Variants in CEP128 observed in about 807,000 individuals in gnomAD.
CEP128 encodes the protein centrosomal protein 128.
In CEP128, 132 loss-of-function variants were observed where a neutral mutation model predicts 156.7. The ratio of observed to expected loss-of-function variants is 0.84; its 90% CI spans 0.73 to 0.97. CEP128 has a LOEUF of 0.97. Ranked by LOEUF, CEP128 falls within the 50% of genes least tolerant of loss-of-function variation. The pLI is 0.00. For synonymous variants in CEP128, 469 were observed against 448.9 expected (o/e 1.04, Z -0.57); for missense variants, 1,252 against 1,281.9 (o/e 0.98, Z 0.36).
At chr14:80,527,154 C>T (rs1466782769) in intron 22 of CEP128, 172 bp from the exon 23 acceptor site, 3 of 557,584 alleles carry the variant, frequency 5.4e-6, no homozygotes, top group East Asian at 6.3e-5. Flanking sequence ...GAAGGCTACA[C>T]ACAGTGGCTC....
chr14:80,491,124 A>G (rs61979253), intron 6 of CEP128, among the ~76,000 whole-genome samples: 76,189 of 152,140 alleles, frequency 0.5, 20,115 homozygotes, highest in East Asian at 0.69. Flanking sequence ...AATCTAATCC[A>G]TGAGTTTACA....
At chr14:80,762,373 T>G (rs1900016122) in intron 16 of CEP128, among the ~76,000 whole-genome samples, 1 of 152,150 alleles carries the variant, frequency 6.6e-6, no homozygotes, top group Non-Finnish European at 1.5e-5. Flanking sequence ...ACCAAATCCA[T>G]GATGGCTAGC....
At chr14:80,588,757 A>C (rs552519326) in intron 19 of CEP128, among the ~76,000 whole-genome samples, 228 of 152,164 alleles carry the variant, frequency 1.5e-3, no homozygotes, top group Non-Finnish European at 2.1e-3. Context: ...TTAAAAACTT[A>C]ATGTTAAGAT....
intron 4 of CEP128, among the ~76,000 whole-genome samples, chr14:80,909,476 A>C (rs748806861): frequency 1.3e-4 from 20 of 152,084 alleles, no homozygotes; most frequent in Non-Finnish European, 2.4e-4. Context: ...GAACAAGAGA[A>C]GTGAAACACT....
At chr14:80,883,058 G>C (rs1254063450) in intron 8 of CEP128, among the ~76,000 whole-genome samples, 1 of 152,104 alleles carries the variant, frequency 6.6e-6, no homozygotes, top group Admixed American at 6.5e-5. Flanking sequence ...TAATTGGATT[G>C]TTTGTAACAC....
chr14:80,688,240 C>A (rs1182865664), intron 19 of CEP128, among the ~76,000 whole-genome samples: 1 of 151,916 alleles, frequency 6.6e-6, no homozygotes, highest in East Asian at 1.9e-4. Context: ...AAAATGTTCC[C>A]AGATGATAGT....
chr14:80,528,932 G>A (rs1455806895), intron 22 of CEP128, among the ~76,000 whole-genome samples: 1 of 152,098 alleles, frequency 6.6e-6, no homozygotes, highest in Non-Finnish European at 1.5e-5. Context: ...TTCATTTAAG[G>A]CTATATCTAG....
At chr14:80,502,899 T>G (rs974922299) in intron 24 of CEP128, among the ~76,000 whole-genome samples, 5 of 152,138 alleles carry the variant, frequency 3.3e-5, no homozygotes, top group Non-Finnish European at 7.4e-5. Flanking sequence ...AATCCTAATG[T>G]TTCTCACTGC....
chr14:80,825,763 C>T (rs562152954), intron 13 of CEP128, among the ~76,000 whole-genome samples: 1 of 152,074 alleles, frequency 6.6e-6, no homozygotes, highest in Non-Finnish European at 1.5e-5. Context: ...GAGAATTAAA[C>T]CAAGTCTTCT....
At chr14:80,780,406 T>C (rs1040161804) in intron 15 of CEP128, among the ~76,000 whole-genome samples, 1 of 152,052 alleles carries the variant, frequency 6.6e-6, no homozygotes, top group African/African-American at 2.4e-5. Context: ...TCCTTAAGGG[T>C]AAATTGTTTG....
At chr14:80,884,769 C>G (rs1888717165) in intron 8 of CEP128, among the ~76,000 whole-genome samples, 1 of 152,156 alleles carries the variant, frequency 6.6e-6, no homozygotes, top group Admixed American at 6.5e-5. Context: ...TGGAGTTTTT[C>G]TTTTGTAGCC....
chr14:80,707,269 T>C (rs543655619), intron 19 of CEP128, among the ~76,000 whole-genome samples: 1 of 152,302 alleles, frequency 6.6e-6, no homozygotes, highest in South Asian at 2.1e-4. Context: ...CCTACTTTTG[T>C]AGGCTATGGT....
intron 21 of CEP128, among the ~76,000 whole-genome samples, chr14:80,551,092 T>C (rs907712866): frequency 6.6e-6 from 1 of 152,176 alleles, no homozygotes; most frequent in African/African-American, 2.4e-5. Context: ...AAATATTACA[T>C]AGTGATCTGT....
chr14:80,704,114 C>CATCA (rs1257626810), intron 19 of CEP128, among the ~76,000 whole-genome samples: 9 of 152,042 alleles, frequency 5.9e-5, no homozygotes, highest in Admixed American at 2.6e-4. Context: ...CTAGAAATAA[C>CATCA]ATCATTATCT....
intron 16 of CEP128, among the ~76,000 whole-genome samples, chr14:80,777,120 G>C (rs1397550107): frequency 6.6e-6 from 1 of 152,094 alleles, no homozygotes; most frequent in African/African-American, 2.4e-5. Context: ...TCACTCAAAA[G>C]GGAGCAATAA....
chr14:80,872,437 G>A (rs1888074079), intron 8 of CEP128, among the ~76,000 whole-genome samples: 1 of 152,036 alleles, frequency 6.6e-6, no homozygotes, highest in South Asian at 2.1e-4. Flanking sequence ...ACAACTTTTT[G>A]TCTCTCAAAG....
chr14:80,839,197 T>C (rs28445165), intron 10 of CEP128, among the ~76,000 whole-genome samples: 9,966 of 152,272 alleles, frequency 0.065, 1,085 homozygotes, highest in African/African-American at 0.23. Context: ...AACACAAGTT[T>C]CTTAACAATT....
chr14:80,861,942 C>T (rs866144539), intron 9 of CEP128, among the ~76,000 whole-genome samples: 4 of 152,142 alleles, frequency 2.6e-5, no homozygotes, highest in African/African-American at 9.6e-5. Context: ...CAAAAAATTA[C>T]ATATATGTGG....
intron 19 of CEP128, among the ~76,000 whole-genome samples, chr14:80,724,958 T>C (rs895115868): frequency 5.4e-5 from 8 of 147,838 alleles, no homozygotes; most frequent in African/African-American, 2.0e-4. Context: ...TACATTTATA[T>C]ATAATATATA....
Sources: gnomAD v4.1 joint callset for allele counts (sites outside exome capture counted in the v4.1 genomes callset) on GRCh38, gnomAD v4.1.1 for gene constraint, MANE v1.5 for transcripts, NCBI Gene and HGNC (gene_info 2026-07-23, HGNC 2026-07-21) for gene names.